Variants in MDGA2 observed in about 807,000 individuals in gnomAD.
The protein encoded by MDGA2 is MAM domain containing glycosylphosphatidylinositol anchor 2.
Under a neutral mutation model 117.8 loss-of-function variants are expected in MDGA2, and 40 were observed. The observed-to-expected ratio is 0.34, with a 90% CI of 0.26 to 0.44. The LOEUF (loss-of-function observed/expected upper bound fraction) is 0.44. Among genes scored for constraint, MDGA2 ranks in the 20% least tolerant of loss-of-function variants. MDGA2 has a pLI of 1.00. For missense variants in MDGA2, 1,123 were observed against 1,250.6 expected (o/e 0.90, Z 1.54); for synonymous variants, 452 against 439.0 (o/e 1.03, Z -0.37).
At chr14:47,150,542 A>G (rs1883121286) in intron 3 of MDGA2, among the ~76,000 whole-genome samples, 1 of 152,148 alleles carries the variant, frequency 6.6e-6, no homozygotes, top group Non-Finnish European at 1.5e-5. Flanking sequence ...AGCCTGAAAT[A>G]TTGAACTCAC....
At chr14:47,256,319 T>C (rs1887617812) in intron 2 of MDGA2, among the ~76,000 whole-genome samples, 1 of 152,044 alleles carries the variant, frequency 6.6e-6, no homozygotes, top group South Asian at 2.1e-4. Context: ...AAATAAAATA[T>C]TCAATATGCC....
intron 1 of MDGA2, among the ~76,000 whole-genome samples, chr14:47,462,848 T>C (rs1261801966): frequency 6.6e-6 from 1 of 152,230 alleles, no homozygotes; most frequent in Non-Finnish European, 1.5e-5. Context: ...ATCTCTCATA[T>C]GGAAGTGATT....
intron 9 of MDGA2, among the ~76,000 whole-genome samples, chr14:46,943,644 A>G (rs1433720002): frequency 8.5e-5 from 13 of 152,070 alleles, no homozygotes; most frequent in Admixed American, 8.5e-4. Flanking sequence ...CACTTCCCAC[A>G]TCACAAATGT....
At chr14:47,167,170 A>ATT (rs543041803) in intron 3 of MDGA2, among the ~76,000 whole-genome samples, 101 of 147,960 alleles carry the variant, frequency 6.8e-4, no homozygotes, top group African/African-American at 2.4e-3. Flanking sequence ...GACCATCCAT[A>ATT]TTTTTTTTTT....
chr14:46,886,994 A>G (rs1031705924), intron 10 of MDGA2, among the ~76,000 whole-genome samples: 1 of 152,092 alleles, frequency 6.6e-6, no homozygotes. Context: ...ATCTAAAAAT[A>G]CGATCTTTAA....
chr14:47,122,181 A>G (rs1175399432), intron 5 of MDGA2, among the ~76,000 whole-genome samples: 1 of 152,086 alleles, frequency 6.6e-6, no homozygotes, highest in Non-Finnish European at 1.5e-5. Context: ...AGAACACCTC[A>G]TAAACATGAT....
intron 2 of MDGA2, among the ~76,000 whole-genome samples, chr14:47,285,659 T>C (rs1167254525): frequency 1.3e-5 from 2 of 152,066 alleles, no homozygotes; most frequent in Admixed American, 1.3e-4. Context: ...GGTAGTAAAA[T>C]AAGAAGACAA....
At chr14:47,610,333 G>T (rs575922227) in intron 1 of MDGA2, among the ~76,000 whole-genome samples, 1 of 152,032 alleles carries the variant, frequency 6.6e-6, no homozygotes, top group Non-Finnish European at 1.5e-5. Context: ...TCAGACAAGA[G>T]AAAGTAAGGG....
chr14:47,642,478 G>A (rs1402560375), intron 1 of MDGA2, among the ~76,000 whole-genome samples: 2 of 152,012 alleles, frequency 1.3e-5, no homozygotes, highest in Non-Finnish European at 2.9e-5. Flanking sequence ...GAGAGCTTTA[G>A]TTCCCACAGA....
chr14:47,333,980 G>C (rs944815012), intron 1 of MDGA2, among the ~76,000 whole-genome samples: 1 of 151,746 alleles, frequency 6.6e-6, no homozygotes, highest in African/African-American at 2.4e-5. Context: ...CTAGGAAAAT[G>C]TTGGCATTCA....
At chr14:47,329,492 T>A (rs1890235489) in intron 1 of MDGA2, among the ~76,000 whole-genome samples, 1 of 152,104 alleles carries the variant, frequency 6.6e-6, no homozygotes, top group Non-Finnish European at 1.5e-5. Context: ...AAAGTTGATA[T>A]TCTTCAAAAG....
At chr14:46,961,877 C>T (rs1465164347) in intron 8 of MDGA2, among the ~76,000 whole-genome samples, 7 of 152,052 alleles carry the variant, frequency 4.6e-5, no homozygotes, top group African/African-American at 1.7e-4. Flanking sequence ...CTCCTGACCT[C>T]GTGATCCACC....
At chr14:47,637,693 T>C (rs1897348460) in intron 1 of MDGA2, among the ~76,000 whole-genome samples, 1 of 152,198 alleles carries the variant, frequency 6.6e-6, no homozygotes, top group South Asian at 2.1e-4. Context: ...TAAAAACTCA[T>C]GCGAATTCAC....
chr14:47,624,301 C>G (rs1362896578), intron 1 of MDGA2, among the ~76,000 whole-genome samples: 1 of 151,974 alleles, frequency 6.6e-6, no homozygotes, highest in Non-Finnish European at 1.5e-5. Flanking sequence ...CTACTCAAAA[C>G]ACAAAAATTA....
intron 1 of MDGA2, among the ~76,000 whole-genome samples, chr14:47,622,650 C>T (rs1392515143): frequency 3.9e-5 from 6 of 152,168 alleles, no homozygotes; most frequent in African/African-American, 1.4e-4. Flanking sequence ...TGCATGAGGT[C>T]TGATGCAGCC....
chr14:47,201,210 C>A (rs1019949443), intron 3 of MDGA2: 15 of 549,296 alleles, frequency 2.7e-5, no homozygotes, highest in Non-Finnish European at 5.1e-5. Flanking sequence ...TGGTTTATAA[C>A]CCCTCTCTCT....
chr14:47,112,249 T>C (rs1566631304), intron 5 of MDGA2, among the ~76,000 whole-genome samples: 1 of 152,112 alleles, frequency 6.6e-6, no homozygotes, highest in Non-Finnish European at 1.5e-5. Context: ...AAATGTGTTA[T>C]TTTATTTTAA....
intron 1 of MDGA2, among the ~76,000 whole-genome samples, chr14:47,520,121 G>A (rs1894838531): frequency 6.6e-6 from 1 of 152,144 alleles, no homozygotes; most frequent in South Asian, 2.1e-4. Flanking sequence ...GCAGACCTCT[G>A]AGCCATATTC....
chr14:47,063,237 A>T (rs1889957391), intron 6 of MDGA2, among the ~76,000 whole-genome samples: 1 of 152,208 alleles, frequency 6.6e-6, no homozygotes, highest in South Asian at 2.1e-4. Flanking sequence ...TTTAATCTTA[A>T]TGAAAACATG....
Sources: gnomAD v4.1 joint callset for allele counts (sites outside exome capture counted in the v4.1 genomes callset) on GRCh38, gnomAD v4.1.1 for gene constraint, MANE v1.5 for transcripts, NCBI Gene and HGNC (gene_info 2026-07-23, HGNC 2026-07-21) for gene names.